The following DENND1A variants were observed in gnomAD, a reference collection of about 807,000 sequenced individuals.
The protein encoded by DENND1A is DENN domain-containing protein 1A.
In DENND1A, 51 loss-of-function variants were observed where a neutral mutation model predicts 113.7. The observed-to-expected ratio is 0.45, with a 90% CI of 0.36 to 0.57. DENND1A has a LOEUF of 0.57. Among genes scored for constraint, DENND1A ranks in the 20% least tolerant of loss-of-function variants. DENND1A has a pLI of 0.00. For missense variants in DENND1A, 1,258 were observed against 1,395.9 expected, an observed-to-expected ratio of 0.90 and a Z score of 1.57; for synonymous variants, 565 against 570.8, an observed-to-expected ratio of 0.99 and a Z score of 0.14.
At chr9:123,417,080 C>T (rs77969990) in intron 19 of DENND1A, among the ~76,000 whole-genome samples, 5 of 152,374 alleles carry the variant, frequency 3.3e-5, no homozygotes, top group African/African-American at 9.6e-5. Context: ...GTTATTTAAT[C>T]TCTCTTAAGT....
intron 13 of DENND1A, among the ~76,000 whole-genome samples, chr9:123,502,085 C>A (rs2052536059): frequency 6.6e-6 from 1 of 152,044 alleles, no homozygotes; most frequent in Non-Finnish European, 1.5e-5. Context: ...CTTTAGAGAA[C>A]CCTGACTATA....
chr9:123,683,006 C>A (rs2064568182), intron 5 of DENND1A, among the ~76,000 whole-genome samples: 1 of 150,190 alleles, frequency 6.7e-6, no homozygotes, highest in Non-Finnish European at 1.5e-5. Context: ...CTTCTCCACC[C>A]TTCCAGTTTC....
rs544740248 is a variant in DENND1A, at chr9:123,813,898, G to A, written c.89-21268C>T. ...CTTAGATTTAGAAAAGGGCCACTTA[G>A]GAAGACGCTTATCTCAATAGTTACA... On this transcript the variant is annotated intron_variant, in intron 2 of 23. Coordinates refer to ENST00000394215, the MANE Select transcript of DENND1A (RefSeq NM_001352964.2). Among the ~76,000 whole-genome samples, 108 of 152,246 alleles carry A rather than the reference G, an allele frequency of 7.1e-4. 1 individual carries two copies. The South Asian group carries it at 0.014, about 20-fold the overall frequency.
chr9:123,671,726 A>G (rs933147709), intron 6 of DENND1A, among the ~76,000 whole-genome samples: 7 of 152,150 alleles, frequency 4.6e-5, no homozygotes, highest in African/African-American at 9.7e-5. Context: ...GGTGGTTAGG[A>G]GAAATAACGA....
intron 1 of DENND1A, among the ~76,000 whole-genome samples, chr9:123,910,677 C>T (rs529881857): frequency 1.8e-3 from 272 of 152,286 alleles, no homozygotes; most frequent in Non-Finnish European, 3.1e-3. Context: ...CAGTGGCTCA[C>T]GCCTGTAATC....
At chr9:123,798,482 A>G (rs929867976) in intron 2 of DENND1A, 3 of 152,216 alleles carry the variant, frequency 2.0e-5, no homozygotes, top group Non-Finnish European at 4.4e-5. Flanking sequence ...TAATGAGTCC[A>G]TTGACATTAT....
intron 2 of DENND1A, among the ~76,000 whole-genome samples, chr9:123,828,794 T>A (rs1839765755): frequency 6.6e-6 from 1 of 152,066 alleles, no homozygotes; most frequent in Admixed American, 6.5e-5. Flanking sequence ...CTATACCCAA[T>A]GAAAATATCA....
rs112229962 is a variant in DENND1A at position 123,477,753 on chromosome 9, T to TA, written c.994-19857dup. ...ACCGTGGAACTTAAAAAAAAATAAT[T>TA]AAAAAAAAAAAGATTAAATGAACAC... On this transcript the variant is annotated intron_variant, in intron 13 of 23. Coordinates refer to ENST00000394215, the MANE Select transcript of DENND1A (RefSeq NM_001352964.2). 9.9e-4 allele frequency among the ~76,000 whole-genome samples: 146 copies of TA among 147,456 alleles called. 1 individual carries two copies. The highest frequency in any genetic ancestry group is 3.0e-3 in the African/African-American group (120 of 40,268).
At chr9:123,531,492 A>T (rs573832271) in intron 13 of DENND1A, among the ~76,000 whole-genome samples, 2 of 151,668 alleles carry the variant, frequency 1.3e-5, no homozygotes, top group African/African-American at 4.9e-5. Context: ...TTTCACCCAG[A>T]TTACCCAAAA....
intron 21 of DENND1A, among the ~76,000 whole-genome samples, chr9:123,394,029 T>C (rs1284658112): frequency 6.6e-6 from 1 of 151,368 alleles, no homozygotes; most frequent in East Asian, 1.9e-4. Context: ...TCTCACTCTG[T>C]TGCCCAGGCT....
intron 11 of DENND1A, among the ~76,000 whole-genome samples, chr9:123,592,494 C>T (rs2059503481): frequency 6.6e-6 from 1 of 152,074 alleles, no homozygotes. Flanking sequence ...CACTGACATC[C>T]AGGACAGTGG....
At chr9:123,735,368 A>G (rs899907411) in intron 5 of DENND1A, among the ~76,000 whole-genome samples, 9 of 152,170 alleles carry the variant, frequency 5.9e-5, no homozygotes, top group African/African-American at 1.9e-4. Context: ...GATGACAAAA[A>G]TAAGTTGCAA....
intron 1 of DENND1A, among the ~76,000 whole-genome samples, chr9:123,892,512 T>C (rs1850077790): frequency 1.3e-5 from 2 of 152,178 alleles, no homozygotes; most frequent in African/African-American, 2.4e-5. Flanking sequence ...GAAGTGAGCC[T>C]ATGACTGCCT....
chr9:123,871,411 T>A (rs1846591430), intron 2 of DENND1A, among the ~76,000 whole-genome samples: 1 of 152,190 alleles, frequency 6.6e-6, no homozygotes, highest in Admixed American at 6.5e-5. Flanking sequence ...ATCAGCTTTT[T>A]AAAAATGTCT....
intron 10 of DENND1A, among the ~76,000 whole-genome samples, chr9:123,622,745 C>T (rs2061019514): frequency 6.6e-6 from 1 of 152,100 alleles, no homozygotes. Flanking sequence ...CTATATTTAC[C>T]TTGCAGCTTG....
chr9:123,665,083 C>T (rs774480438), intron 8 of DENND1A, among the ~76,000 whole-genome samples: 14 of 152,124 alleles, frequency 9.2e-5, no homozygotes, highest in Non-Finnish European at 1.9e-4. Context: ...TCCTTTCGTT[C>T]ATCATTTCAA....
chr9:123,830,930 T>A (rs1409844751), intron 2 of DENND1A, among the ~76,000 whole-genome samples: 1 of 126,556 alleles, frequency 7.9e-6, no homozygotes, highest in Non-Finnish European at 1.6e-5. Context: ...CCTGCCATCA[T>A]CAATCTCATT....
intron 5 of DENND1A, among the ~76,000 whole-genome samples, chr9:123,730,287 A>G (rs940694762): frequency 2.0e-5 from 3 of 152,258 alleles, no homozygotes; most frequent in Non-Finnish European, 1.5e-5. Flanking sequence ...GAGCTTCTGC[A>G]CAGCAAAAGA....
At chr9:123,597,417 G>A (rs1457013767) in intron 11 of DENND1A, among the ~76,000 whole-genome samples, 3 of 152,106 alleles carry the variant, frequency 2.0e-5, no homozygotes, top group Non-Finnish European at 1.5e-5. Context: ...GCAGTAAAGG[G>A]GCAGCTATTA....
Sources: gnomAD v4.1 joint callset for allele counts (sites outside exome capture counted in the v4.1 genomes callset) on GRCh38, gnomAD v4.1.1 for gene constraint, MANE v1.5 for transcripts, NCBI Gene and HGNC (gene_info 2026-07-23, HGNC 2026-07-21) for gene names.